The following AKAP19 variants were observed in gnomAD, a reference collection of about 807,000 sequenced individuals.
AKAP19 encodes small A-kinase anchoring protein.
chr2:190,139,651 G>A, the AKAP19 span, among the ~76,000 whole-genome samples: 1 of 152,036 alleles, frequency 6.6e-6, no homozygotes, highest in African/African-American at 2.4e-5. Context: ...GATCTCATGA[G>A]AACTCACTAT....
the AKAP19 span, among the ~76,000 whole-genome samples, chr2:189,888,734 T>C: frequency 1.3e-5 from 2 of 152,184 alleles, no homozygotes; most frequent in African/African-American, 4.8e-5. Context: ...ATGATTTGGC[T>C]CTCTGTTTGT....
chr2:190,045,638 G>A, the AKAP19 span, among the ~76,000 whole-genome samples: 1 of 152,186 alleles, frequency 6.6e-6, no homozygotes, highest in African/African-American at 2.4e-5. Context: ...AACTCCAAGA[G>A]CGCCTTCTAA....
At chr2:189,956,936 C>T in the AKAP19 span, among the ~76,000 whole-genome samples, 6 of 152,268 alleles carry the variant, frequency 3.9e-5, no homozygotes, top group Non-Finnish European at 5.9e-5. Context: ...ATCAGACATG[C>T]TTTCAGTTAT....
chr2:190,070,128 T>A, the AKAP19 span, among the ~76,000 whole-genome samples: 1 of 152,176 alleles, frequency 6.6e-6, no homozygotes, highest in East Asian at 1.9e-4. Context: ...CCCTTTGTTC[T>A]TGGACCCTAT....
At chr2:190,200,241 T>A in the AKAP19 span, 8 of 1,004,712 alleles carry the variant, frequency 8.0e-6, no homozygotes, top group Non-Finnish European at 1.2e-5. Flanking sequence ...CAAATAACTA[T>A]CTGGATTTAA....
chr2:190,152,604 C>G, the AKAP19 span, among the ~76,000 whole-genome samples: 1 of 152,146 alleles, frequency 6.6e-6, no homozygotes, highest in Admixed American at 6.5e-5. Flanking sequence ...ATTTCATAGG[C>G]TATTTTTTGT....
chr2:189,995,605 A>C, the AKAP19 span, among the ~76,000 whole-genome samples: 2 of 151,748 alleles, frequency 1.3e-5, no homozygotes, highest in Non-Finnish European at 2.9e-5. Context: ...CTTTTAGGCC[A>C]TTTACACTTA....
At chr2:189,926,005 A>G in the AKAP19 span, among the ~76,000 whole-genome samples, 1 of 152,242 alleles carries the variant, frequency 6.6e-6, no homozygotes, top group East Asian at 1.9e-4. Context: ...AAACTTAATT[A>G]TACTGGATTG....
chr2:189,980,942 A>G, the AKAP19 span, among the ~76,000 whole-genome samples: 2 of 152,216 alleles, frequency 1.3e-5, no homozygotes, highest in African/African-American at 4.8e-5. Context: ...ATGACAGAGC[A>G]TGTGGTCAAG....
the AKAP19 span, among the ~76,000 whole-genome samples, chr2:190,026,924 A>G: frequency 6.6e-6 from 1 of 152,206 alleles, no homozygotes; most frequent in Non-Finnish European, 1.5e-5. Flanking sequence ...ACACTGGCAT[A>G]CTGTTGTATT....
At chr2:189,911,039 G>A in the AKAP19 span, among the ~76,000 whole-genome samples, 1 of 151,972 alleles carries the variant, frequency 6.6e-6, no homozygotes, top group South Asian at 2.1e-4. Flanking sequence ...AAGTTTATTT[G>A]AATTGTTGGA....
At chr2:190,074,995 G>GA in the AKAP19 span, among the ~76,000 whole-genome samples, 4,366 of 152,164 alleles carry the variant, frequency 0.029, 214 homozygotes, top group African/African-American at 0.1. Flanking sequence ...TTGCCGTGAT[G>GA]AATTTAAAAT....
At chr2:190,084,755 T>TGAAAGCCAAG in the AKAP19 span, among the ~76,000 whole-genome samples, 1 of 152,218 alleles carries the variant, frequency 6.6e-6, no homozygotes, top group East Asian at 1.9e-4. Context: ...CTTTCAACCT[T>TGAAAGCCAAG]GGCTTTGATA....
At chr2:190,159,021 G>C in the AKAP19 span, among the ~76,000 whole-genome samples, 1 of 152,188 alleles carries the variant, frequency 6.6e-6, no homozygotes, top group Admixed American at 6.5e-5. Context: ...AGGCTGCAGT[G>C]GAAGGGGCTG....
At chr2:190,028,128 C>A in the AKAP19 span, among the ~76,000 whole-genome samples, 1 of 151,928 alleles carries the variant, frequency 6.6e-6, no homozygotes, top group African/African-American at 2.4e-5. Flanking sequence ...TTTTTATTAT[C>A]CTTATTCCCT....
chr2:189,898,045 CA>C, the AKAP19 span, among the ~76,000 whole-genome samples: 1 of 152,004 alleles, frequency 6.6e-6, no homozygotes, highest in East Asian at 1.9e-4. Context: ...CCCATCTCTA[CA>C]AAAAATATAA....
At chr2:190,023,632 G>A in the AKAP19 span, among the ~76,000 whole-genome samples, 47 of 151,456 alleles carry the variant, frequency 3.1e-4, no homozygotes, top group African/African-American at 9.7e-4. Flanking sequence ...TTACAAAGTC[G>A]AATTTTTAAA....
chr2:189,929,206 CAG>C, the AKAP19 span, among the ~76,000 whole-genome samples: 10 of 152,140 alleles, frequency 6.6e-5, no homozygotes, highest in Non-Finnish European at 1.5e-4. Flanking sequence ...TTCCAAGAAA[CAG>C]GGACTGAGAT....
the AKAP19 span, among the ~76,000 whole-genome samples, chr2:189,916,448 A>C: frequency 6.6e-6 from 1 of 151,558 alleles, no homozygotes; most frequent in Non-Finnish European, 1.5e-5. Flanking sequence ...CAGCCTCCTG[A>C]ATAGCTCAGA....
Sources: gnomAD v4.1 joint callset for allele counts (sites outside exome capture counted in the v4.1 genomes callset) on GRCh38, gnomAD v4.1.1 for gene constraint, MANE v1.5 for transcripts, NCBI Gene and HGNC (gene_info 2026-07-23, HGNC 2026-07-21) for gene names.